The following SNX29 variants were observed in gnomAD, a reference collection of about 807,000 sequenced individuals.
SNX29 encodes the protein sorting nexin 29, also known as sorting nexin-29.
In SNX29, 78 loss-of-function variants were observed where a neutral mutation model predicts 102.1. The ratio of observed to expected loss-of-function variants is 0.76; its 90% CI spans 0.64 to 0.92. The LOEUF is 0.92. Among genes scored for constraint, SNX29 ranks in the 40% least tolerant of loss-of-function variants. The probability of loss-of-function intolerance (pLI) is 0.00; values close to 1 mark genes in which losing one functional copy is unlikely to be tolerated. For missense variants in SNX29, 1,280 were observed against 1,061.7 expected (o/e 1.21, Z -2.86); for synonymous variants, 580 against 414.5 (o/e 1.40, Z -4.85).
intron 8 of SNX29, among the ~76,000 whole-genome samples, chr16:12,056,074 G>A (rs1178596843): frequency 1.3e-5 from 2 of 152,140 alleles, no homozygotes; most frequent in Non-Finnish European, 2.9e-5. Flanking sequence ...TAGAGATGGG[G>A]TTTCACCATG....
intron 20 of SNX29, among the ~76,000 whole-genome samples, chr16:12,560,528 C>T (rs2078664649): frequency 6.6e-6 from 1 of 152,146 alleles, no homozygotes; most frequent in South Asian, 2.1e-4. Context: ...CCTTCCAAGA[C>T]CATTTCTATT....
At chr16:12,567,468 T>C (rs1213751163) in intron 20 of SNX29, among the ~76,000 whole-genome samples, 1 of 152,204 alleles carries the variant, frequency 6.6e-6, no homozygotes, top group Non-Finnish European at 1.5e-5. Context: ...TCCCCTTATC[T>C]AGCAAAAGGG....
intron 16 of SNX29, among the ~76,000 whole-genome samples, chr16:12,362,724 C>T (rs181074053): frequency 2.0e-5 from 3 of 152,146 alleles, no homozygotes; most frequent in African/African-American, 4.8e-5. Flanking sequence ...GGAATCCTCC[C>T]TGAAGCCCTG....
At chr16:12,226,363 A>G (rs1476261579) in intron 14 of SNX29, among the ~76,000 whole-genome samples, 3 of 152,196 alleles carry the variant, frequency 2.0e-5, no homozygotes, top group Admixed American at 6.5e-5. Flanking sequence ...ATGAATGTGC[A>G]CTATTAAGGT....
rs531814392 is a variant in SNX29 at position 12,337,239 on chromosome 16, C to G, written c.1783-18924C>G. 2.0e-5 allele frequency among the ~76,000 whole-genome samples: 3 copies of G among 152,168 alleles called. No individual in the cohort carries two copies. In the East Asian group the frequency reaches 5.8e-4, roughly 29 times the overall value. On this transcript the variant is annotated intron_variant, in intron 15 of 20. Coordinates refer to ENST00000566228, the MANE Select transcript of SNX29 (RefSeq NM_032167.5). ...TTATGTCACACTGTCTCCACAGTTG[C>G]TGGAGATAGGTATATTAATTTTTTT...
intron 20 of SNX29, chr16:12,545,648 A>G (rs1268561550): frequency 6.6e-6 from 1 of 152,228 alleles, no homozygotes; most frequent in African/African-American, 2.4e-5. Context: ...CTGAGTCTAC[A>G]CTATGGCCCT....
intron 20 of SNX29, among the ~76,000 whole-genome samples, chr16:12,530,037 C>A (rs575056985): frequency 3.2e-4 from 49 of 152,228 alleles, no homozygotes; most frequent in African/African-American, 1.0e-3. Context: ...TGTGACTTTC[C>A]ATGGGCAAGT....
intron 11 of SNX29, among the ~76,000 whole-genome samples, chr16:12,103,667 G>A (rs141127500): frequency 0.03 from 4,556 of 152,208 alleles, 222 homozygotes; most frequent in African/African-American, 0.1. Flanking sequence ...AAAAGAAATG[G>A]CAACAAAAAC....
chr16:12,549,262 G>T (rs981591875), intron 20 of SNX29, among the ~76,000 whole-genome samples: 7 of 152,180 alleles, frequency 4.6e-5, no homozygotes, highest in Non-Finnish European at 8.8e-5. Flanking sequence ...TTGGGAGGCT[G>T]AGGTGGTAGA....
intron 13 of SNX29, among the ~76,000 whole-genome samples, chr16:12,184,719 C>T (rs888278928): frequency 2.0e-5 from 3 of 152,172 alleles, no homozygotes; most frequent in African/African-American, 7.2e-5. Context: ...ACAGACACTC[C>T]CTAGAAATGC....
At chr16:12,422,269 C>T (rs75213095) in intron 18 of SNX29, among the ~76,000 whole-genome samples, 1,545 of 152,226 alleles carry the variant, frequency 0.01, 33 homozygotes, top group African/African-American at 0.035. Context: ...CATCTGCAAA[C>T]AGAGATGAAA....
chr16:12,211,216 A>T (rs2077174980), intron 14 of SNX29, among the ~76,000 whole-genome samples: 1 of 152,320 alleles, frequency 6.6e-6, no homozygotes, highest in South Asian at 2.1e-4. Flanking sequence ...TTCAGGCCCA[A>T]GGAGACTCCT....
intron 20 of SNX29, among the ~76,000 whole-genome samples, chr16:12,553,077 C>G (rs1324394564): frequency 6.6e-6 from 1 of 152,196 alleles, no homozygotes; most frequent in Non-Finnish European, 1.5e-5. Flanking sequence ...CAACACTCAC[C>G]TGCATATAGT....
intron 20 of SNX29, among the ~76,000 whole-genome samples, chr16:12,562,283 T>TC (rs1354795941): frequency 2.0e-5 from 3 of 152,160 alleles, no homozygotes; most frequent in African/African-American, 4.8e-5. Context: ...CCACGCTCTA[T>TC]CCCAGCATCA....
At chr16:12,518,527 G>T (rs1212097997) in intron 19 of SNX29, among the ~76,000 whole-genome samples, 1 of 152,112 alleles carries the variant, frequency 6.6e-6, no homozygotes, top group Admixed American at 6.5e-5. Context: ...CCAGCTTCAG[G>T]GGCTGCTTCC....
chr16:12,008,855 A>T (rs2056548014), intron 3 of SNX29, among the ~76,000 whole-genome samples: 1 of 150,080 alleles, frequency 6.7e-6, no homozygotes, highest in Non-Finnish European at 1.5e-5. Flanking sequence ...GATTCTCTTG[A>T]CTCAGCCTCC....
intron 18 of SNX29, among the ~76,000 whole-genome samples, chr16:12,457,189 A>T (rs970518900): frequency 6.6e-6 from 1 of 152,242 alleles, no homozygotes; most frequent in Non-Finnish European, 1.5e-5. Flanking sequence ...ATAACAGTAC[A>T]ATAAACACCG....
At position 12,129,722 on chromosome 16, in the gene SNX29, A is replaced by G; in HGVS notation, c.1559A>G (p.Glu520Gly). The change falls in exon 13 of 21, where the codon GAG becomes GGG. Residue 520 changes from glutamate to glycine, a missense_variant. Transcript: ENST00000566228. ...DTLKRKVAEQ[E>G]ERQGMKVQAL... is the part of the protein sequence containing the mutation. ...TTGAAAAGGAAGGTGGCTGAACAGGAGGAGCGGCAGGGCATGAAGGTCCAG... is the reference window on the plus strand; with the variant it reads ...TTGAAAAGGAAGGTGGCTGAACAGGGGGAGCGGCAGGGCATGAAGGTCCAG... 1.9e-6 allele frequency: 3 copies of G among 1,610,212 alleles called. No homozygotes were observed. Among genetic ancestry groups the G allele is most frequent in the South Asian group, 2.2e-5 (2 of 90,344 alleles).
chr16:12,167,555 C>A (rs1596406303), intron 13 of SNX29, among the ~76,000 whole-genome samples: 1 of 152,298 alleles, frequency 6.6e-6, no homozygotes, highest in East Asian at 1.9e-4. Context: ...GAGGTGCAAT[C>A]ATTGATTCCA....
Sources: allele counts gnomAD v4.1 joint callset (sites outside exome capture counted in the v4.1 genomes callset), GRCh38; gene constraint gnomAD v4.1.1; transcripts MANE v1.5; gene names NCBI Gene and HGNC (gene_info 2026-07-23, HGNC 2026-07-21).